The following KAZN variants were observed in gnomAD, a reference collection of about 807,000 sequenced individuals.
KAZN encodes the protein kazrin, periplakin interacting protein.
In KAZN, 40 loss-of-function variants were observed where a neutral mutation model predicts 87.4. The ratio of observed to expected loss-of-function variants is 0.46; its 90% CI spans 0.36 to 0.60. The LOEUF (loss-of-function observed/expected upper bound fraction) is 0.60, where lower values mean the gene tolerates loss of function less well. Among genes scored for constraint, KAZN ranks in the 20% least tolerant of loss-of-function variants. The pLI is 0.00. For missense variants in KAZN, 898 were observed against 1,073.9 expected, an observed-to-expected ratio of 0.84 and a Z score of 2.29; for synonymous variants, 466 against 458.3, an observed-to-expected ratio of 1.02 and a Z score of -0.22.
At chr1:14,881,540 T>C (rs1213606410) in intron 1 of KAZN, among the ~76,000 whole-genome samples, 1 of 152,220 alleles carries the variant, frequency 6.6e-6, no homozygotes, top group Non-Finnish European at 1.5e-5. Flanking sequence ...GTTTATAGAA[T>C]ACTGATTATG....
intron 2 of KAZN, among the ~76,000 whole-genome samples, chr1:14,551,001 C>G (rs1368141464): frequency 6.6e-6 from 1 of 151,972 alleles, no homozygotes; most frequent in Non-Finnish European, 1.5e-5. Flanking sequence ...TCACACTTTT[C>G]TGCTCCCCAG....
chr1:13,970,478 G>C (rs1386375507), intron 1 of KAZN, among the ~76,000 whole-genome samples: 1 of 152,184 alleles, frequency 6.6e-6, no homozygotes, highest in Non-Finnish European at 1.5e-5. Flanking sequence ...CCATGGAAGA[G>C]TTGGAGTTTG....
chr1:14,596,308 G>GCGCACACACACACA (rs1491581024), upstream of KAZN, among the ~76,000 whole-genome samples: 2 of 150,190 alleles, frequency 1.3e-5, no homozygotes, highest in African/African-American at 4.9e-5. Flanking sequence ...ACACGTGTGC[G>GCGCACACACACACA]CACACACACA....
At position 14,883,159 on chromosome 1, in the gene KAZN, A is replaced by G. The variant is rs1313629579; in HGVS notation, c.227-77525A>G. The stretch of plus-strand genomic sequence containing the variant: ...AAAAATACAAAATTAGCTGGGCGTG[A>G]TGGCACATGCCTGTAATCCCAGTTA... On this transcript the variant is annotated intron_variant, in intron 1 of 14. Transcript: ENST00000376030. 2.0e-5 allele frequency among the ~76,000 whole-genome samples: 3 copies of G among 151,502 alleles called. No individual in the cohort carries two copies. The East Asian group carries it at 5.9e-4, about 30-fold the overall frequency.
intron 1 of KAZN, among the ~76,000 whole-genome samples, chr1:14,945,569 C>T (rs936704463): frequency 2.5e-4 from 38 of 152,364 alleles, no homozygotes; most frequent in African/African-American, 6.5e-4. Context: ...GCTGGCTCCC[C>T]GGCCCGGCTC....
At chr1:14,842,271 T>C (rs1648111134) in intron 1 of KAZN, among the ~76,000 whole-genome samples, 1 of 152,240 alleles carries the variant, frequency 6.6e-6, no homozygotes, top group South Asian at 2.1e-4. Context: ...GTTGAATGCA[T>C]GAATGAATGG....
chr1:14,237,155 G>A (rs939221835), intron 2 of KAZN, among the ~76,000 whole-genome samples: 13 of 152,092 alleles, frequency 8.5e-5, no homozygotes, highest in Admixed American at 1.3e-4. Context: ...GAGGAGTGGC[G>A]AGTGTGAACA....
At chr1:14,502,964 T>A (rs951686641) in intron 2 of KAZN, among the ~76,000 whole-genome samples, 1 of 152,098 alleles carries the variant, frequency 6.6e-6, no homozygotes, top group African/African-American at 2.4e-5. Context: ...CAATCATTCT[T>A]CTCTCCTGTG....
chr1:13,898,031 G>A (rs910681405), intron 1 of KAZN, among the ~76,000 whole-genome samples: 8 of 152,244 alleles, frequency 5.3e-5, no homozygotes, highest in Non-Finnish European at 8.8e-5. Context: ...CTGTCCATTC[G>A]TGCTGCCTGA....
intron 2 of KAZN, among the ~76,000 whole-genome samples, chr1:14,508,446 C>T (rs1210270830): frequency 6.6e-6 from 1 of 152,112 alleles, no homozygotes. Flanking sequence ...GTTGCCACAC[C>T]AAAGTTAAAA....
At chr1:14,199,137 G>C (rs1276100804) in intron 2 of KAZN, among the ~76,000 whole-genome samples, 1 of 152,130 alleles carries the variant, frequency 6.6e-6, no homozygotes, top group South Asian at 2.1e-4. Context: ...GACATTGCAA[G>C]TCCCTGCTTA....
intron 2 of KAZN, among the ~76,000 whole-genome samples, chr1:14,334,030 T>C (rs1657040366): frequency 1.3e-5 from 2 of 151,720 alleles, no homozygotes; most frequent in Non-Finnish European, 2.9e-5. Context: ...AAAGGAGGCA[T>C]GGCCATCACA....
Position 14,210,108 on chromosome 1 carries a change from C to A in KAZN, c.249+29516C>A, listed in dbSNP as rs78331013. On this transcript the variant is annotated intron_variant, in intron 2 of 16. Coordinates refer to the KAZN transcript ENST00000636203. ...TTTGGCTGTGTCCCCACCCAAATCT[C>A]ATCTTGAATTGTAGCTCCTATAATC... 3.6e-4 allele frequency among the ~76,000 whole-genome samples: 55 copies of A among 152,282 alleles called. 1 individual carries two copies. Among genetic ancestry groups the A allele is most frequent in the Admixed American group, 1.0e-3 (16 of 15,300 alleles).
intron 1 of KAZN, among the ~76,000 whole-genome samples, chr1:14,094,103 T>C (rs1644070579): frequency 6.6e-6 from 1 of 152,114 alleles, no homozygotes; most frequent in South Asian, 2.1e-4. Context: ...TTCTCTGACT[T>C]GCCTTGGGGA....
chr1:13,974,891 C>T (rs1179417235), intron 1 of KAZN, among the ~76,000 whole-genome samples: 1 of 152,140 alleles, frequency 6.6e-6, no homozygotes, highest in Non-Finnish European at 1.5e-5. Context: ...TCACACAGAC[C>T]TTCAAGACTG....
intron 1 of KAZN, among the ~76,000 whole-genome samples, chr1:14,684,823 A>G (rs150134121): frequency 3.7e-4 from 57 of 152,312 alleles, no homozygotes; most frequent in African/African-American, 1.4e-3. Flanking sequence ...TGGATAACCC[A>G]GGATCATTTC....
At chr1:14,454,038 C>T (rs534170276) in intron 2 of KAZN, among the ~76,000 whole-genome samples, 1 of 152,292 alleles carries the variant, frequency 6.6e-6, no homozygotes, top group South Asian at 2.1e-4. Context: ...ATTTCACAGG[C>T]AATGAGCCTT....
intron 8 of KAZN, chr1:15,067,025 A>T: frequency 1.0e-6 from 1 of 985,578 alleles, no homozygotes. Flanking sequence ...AGCCTGCCAC[A>T]CATCCAAGGG....
chr1:15,027,070 C>CTTCT (rs1671239040), intron 2 of KAZN, among the ~76,000 whole-genome samples: 1 of 56,116 alleles, frequency 1.8e-5, no homozygotes, highest in Non-Finnish European at 3.1e-5. Context: ...GCCAGTGCTT[C>CTTCT]TTTTTTTTTT....
Sources: allele counts gnomAD v4.1 joint callset (sites outside exome capture counted in the v4.1 genomes callset), GRCh38; gene constraint gnomAD v4.1.1; transcripts MANE v1.5; gene names NCBI Gene and HGNC (gene_info 2026-07-23, HGNC 2026-07-21).